CHIT1: variants seen among roughly 807,000 people sequenced by gnomAD.
The protein encoded by CHIT1 is chitotriosidase-1.
Under a neutral mutation model 52.0 loss-of-function variants are expected in CHIT1, and 47 were observed. The ratio of observed to expected loss-of-function variants is 0.90; its 90% CI spans 0.71 to 1.15. The LOEUF (loss-of-function observed/expected upper bound fraction) is 1.15. Among genes scored for constraint, CHIT1 ranks in the 50% most tolerant of loss-of-function variants. The probability of loss-of-function intolerance (pLI) is 0.00; values close to 1 mark genes in which losing one functional copy is unlikely to be tolerated. For synonymous variants in CHIT1, 242 were observed against 228.2 expected (o/e 1.06, Z -0.54); for missense variants, 569 against 583.0 (o/e 0.98, Z 0.25).
chr1:203,217,487 C>A, intron 10 of CHIT1: 1 of 1,182,294 alleles, frequency 8.5e-7, no homozygotes, highest in South Asian at 1.3e-5. Context: ...TCTGGGGGCC[C>A]TCTGGAGGGA....
Position 203,216,354 on chromosome 1 carries a change from A to G in CHIT1, c.*535T>C, listed in dbSNP as rs944435133. The stretch of plus-strand genomic sequence containing the variant: ...CTGAGTGGCTGCTCGCAGAGCGCTT[A>G]AATCAGGGAAAAGTTCTTCTCTGCT... On this transcript the variant is annotated 3_prime_UTR_variant, in exon 11 of 11. Transcript: ENST00000367229. 2.2e-6 allele frequency: 1 copy of G among 454,024 alleles called. No homozygotes were observed. Among genetic ancestry groups the G allele is most frequent in the Non-Finnish European group, 4.4e-6 (1 of 226,814 alleles). The allele number at this position is 454,024 out of a possible 1,614,324, so 28.1% of individuals were successfully genotyped here.
rs776932293 is a variant in CHIT1, at chr1:203,216,477, T to C, written c.*412A>G. 3 of 457,450 alleles carry C rather than the reference T, an allele frequency of 6.6e-6. No homozygotes were observed. The highest frequency in any genetic ancestry group is 4.7e-5 in the South Asian group (3 of 64,500). 28.3% of individuals were successfully genotyped at this position (457,450 alleles called of 1,614,324 possible). A position where few individuals can be genotyped will look rare whatever the true frequency, so the allele number is the denominator to read the frequency against. ...CCAATAACCAAAGAACGTGTTGCAC[T>C]TGGGGCCGCGCTCTGGCTGCCATCA... is the stretch of plus-strand genomic sequence containing the variant. On this transcript the variant is annotated 3_prime_UTR_variant, in exon 11 of 11. Coordinates refer to ENST00000367229, the MANE Select transcript of CHIT1 (RefSeq NM_003465.3).
chr1:203,223,036 T>C, intron 6 of CHIT1, 99 bp downstream of exon 6: 2 of 1,518,498 alleles, frequency 1.3e-6, no homozygotes, highest in South Asian at 2.2e-5. Flanking sequence ...CCAAATGCCT[T>C]GTAGATGAAC....
In CHIT1 at chr1:203,219,528, G is replaced by A. The variant is rs530687151; in HGVS notation, c.915+136C>T. 2.9e-4 allele frequency: 325 copies of A among 1,134,418 alleles called. 6 individuals are homozygous for A. In the South Asian group the frequency reaches 3.8e-3, roughly 13 times the overall value. The allele number at this position is 1,134,418 out of a possible 1,614,324, so 70.3% of individuals were successfully genotyped here. A position where few individuals can be genotyped will look rare whatever the true frequency, so the allele number is the denominator to read the frequency against. ...TTAAGGATAAATTCAAGATGGCATGGATGAGATGGAATTTACATGGCCAGA... is the reference window on the plus strand; with the variant it reads ...TTAAGGATAAATTCAAGATGGCATGAATGAGATGGAATTTACATGGCCAGA... On this transcript the variant is annotated intron_variant, in intron 8 of 10. Coordinates refer to ENST00000367229, the MANE Select transcript of CHIT1 (RefSeq NM_003465.3).
intron 7 of CHIT1, among the ~76,000 whole-genome samples, chr1:203,220,380 T>A (rs926697440): frequency 6.6e-6 from 1 of 152,216 alleles, no homozygotes; most frequent in African/African-American, 2.4e-5. Context: ...TTACCCTGAG[T>A]ACAAAAGCAG....
rs3831317 is a variant in CHIT1, at chr1:203,217,822, C to CAGACCATGGCCCCGCCCAGTCCCT, written c.1049_1072dup (p.Val357_Trp358insTer). 348,934 of 1,612,092 alleles carry CAGACCATGGCCCCGCCCAGTCCCT rather than the reference C, an allele frequency of 0.22. 43,887 individuals are homozygous for CAGACCATGGCCCCGCCCAGTCCCT. Among genetic ancestry groups the CAGACCATGGCCCCGCCCAGTCCCT allele is most frequent in the East Asian group, 0.56 (25,190 of 44,698 alleles). ...GGCAAAGTCATCTAAGTCCAGTGCC[C>CAGACCATGGCCCCGCCCAGTCCCT]AGACCATGGCCCCGCCCAGTCCCTT... On this transcript the variant is annotated stop_gained, in exon 10 of 11. Coordinates refer to ENST00000367229, the MANE Select transcript of CHIT1 (RefSeq NM_003465.3). LOFTEE classifies it high-confidence loss of function.
chr1:203,219,226 A>T lies in CHIT1; in HGVS notation c.1019T>A (p.Phe340Tyr). 2 of 1,592,682 alleles carry T rather than the reference A, an allele frequency of 1.3e-6. No individual in the cohort carries two copies. The highest frequency in any genetic ancestry group is 2.2e-5 in the South Asian group (2 of 90,702). ...QWVGFDDVES[F>Y]KTKVSYLKQK... ...AGAGCTGGGCCTCACCTTGGTTTTG[A>T]AGCTCTCCACATCATCAAAGCCCAC... is the stretch of plus-strand genomic sequence containing the variant. Residue 340 changes from phenylalanine (F) to tyrosine (Y), a missense_variant, in exon 9 of 11, where the codon TTC becomes TAC. Phe to Tyr is a conservative substitution (Grantham distance 22). Transcript: ENST00000367229.
At position 203,219,772 on chromosome 1, in the gene CHIT1, G is replaced by A. The variant is rs560698644; in HGVS notation, c.807C>T (p.Arg269=). The change falls in exon 8 of 11, where the codon CGC becomes CGT. Residue 269 remains arginine (R), a synonymous_variant. Transcript: ENST00000367229. ...KLILGMPTYG[R]SFTLASSSDT... ...CTGATGAGGAGGCCAGTGTGAAGGA[G>A]CGTCCGTAGGTAGGCATGCCAAGGA... 1.5e-4 allele frequency: 238 copies of A among 1,613,534 alleles called. 1 individual carries two copies. The South Asian group carries it at 2.5e-3, about 17-fold the overall frequency.
intron 9 of CHIT1, among the ~76,000 whole-genome samples, chr1:203,218,313 G>C (rs767863960): frequency 7.2e-5 from 11 of 152,186 alleles, no homozygotes; most frequent in Admixed American, 2.6e-4. Context: ...TCATGTCTTT[G>C]TCTTCCCTGA....
intron 5 of CHIT1, 97 bp from the exon 6 acceptor site, chr1:203,223,356 C>T: frequency 6.2e-7 from 1 of 1,607,948 alleles, no homozygotes; most frequent in Non-Finnish European, 8.5e-7. Flanking sequence ...AGTCTGAGAG[C>T]TGGCCACAGG....
chr1:203,228,450 G>A (rs1657005003), intron 2 of CHIT1, 83 bp downstream of exon 2: 1 of 1,413,854 alleles, frequency 7.1e-7, no homozygotes, highest in Non-Finnish European at 9.8e-7. Context: ...GAGCTCTTGG[G>A]GAGGTCTGGC....
intron 2 of CHIT1, 34 bp from the exon 3 acceptor site, chr1:203,225,904 T>A (rs1176491769): frequency 1.2e-6 from 2 of 1,610,478 alleles, no homozygotes; most frequent in Admixed American, 3.4e-5. Flanking sequence ...GGGATAGCTG[T>A]CAGCAGGACC....
intron 2 of CHIT1, among the ~76,000 whole-genome samples, 190 bp from the exon 3 acceptor site, chr1:203,226,060 C>G (rs1656918739): frequency 6.6e-6 from 1 of 152,150 alleles, no homozygotes; most frequent in Non-Finnish European, 1.5e-5. Flanking sequence ...AAAGCATTTT[C>G]AGAGGCCAGA....
chr1:203,227,869 A>G (rs1230941656), intron 2 of CHIT1, among the ~76,000 whole-genome samples: 1 of 152,144 alleles, frequency 6.6e-6, no homozygotes, highest in Non-Finnish European at 1.5e-5. Flanking sequence ...CTCCAATGCT[A>G]CAGCCCAGCG....
In CHIT1 at chr1:203,225,674, C is replaced by T; in HGVS notation, c.252G>A (p.Lys84=). The change falls in exon 3 of 11, where the codon AAG becomes AAA. Residue 84 remains lysine, a synonymous_variant. Transcript: ENST00000367229. ...ETLYQEFNGL[K]KMNPKLKTLL... ...GCTCCTCTGCTTTGGCTCACATCTT[C>T]TTCAGGCCATTGAACTCCTGGTAGA... 1.9e-6 allele frequency: 3 copies of T among 1,604,050 alleles called. No individual in the cohort carries two copies. The highest frequency in any genetic ancestry group is 2.6e-6 in the Non-Finnish European group (3 of 1,173,958).
chr1:203,223,734 A>T, intron 4 of CHIT1, 74 bp from the exon 5 acceptor site: 1 of 1,484,958 alleles, frequency 6.7e-7, no homozygotes, highest in South Asian at 1.1e-5. Context: ...GAAGCAGGCA[A>T]GAAAACACTC....
intron 3 of CHIT1, 147 bp from the exon 4 acceptor site, chr1:203,225,251 C>T (rs1656885693): frequency 1.3e-6 from 1 of 749,258 alleles, no homozygotes; most frequent in Non-Finnish European, 2.3e-6. Flanking sequence ...CTGGGGACAG[C>T]TGTAGATTGG....
intron 7 of CHIT1, among the ~76,000 whole-genome samples, chr1:203,220,977 C>G (rs565258049): frequency 6.6e-6 from 1 of 152,186 alleles, no homozygotes; most frequent in East Asian, 1.9e-4. Context: ...CCCCACTCAC[C>G]TCTCAGCTAA....
chr1:203,217,639 T>C, intron 10 of CHIT1, 100 bp downstream of exon 10: 1 of 1,580,042 alleles, frequency 6.3e-7, no homozygotes, highest in South Asian at 1.1e-5. Context: ...GCAAAGTCAT[T>C]TCCTCAGAAG....
Sources: allele counts gnomAD v4.1 joint callset (sites outside exome capture counted in the v4.1 genomes callset), GRCh38; gene constraint gnomAD v4.1.1; transcripts MANE v1.5; gene names NCBI Gene and HGNC (gene_info 2026-07-23, HGNC 2026-07-21).